The following PTPRD variants were observed in gnomAD, a reference collection of about 807,000 sequenced individuals.
PTPRD encodes the protein protein tyrosine phosphatase receptor type D, also known as receptor-type tyrosine-protein phosphatase delta.
Under a neutral mutation model 214.5 loss-of-function variants are expected in PTPRD, and 34 were observed. The ratio of observed to expected loss-of-function variants is 0.16; its 90% confidence interval spans 0.12 to 0.21. PTPRD has a LOEUF of 0.21. PTPRD is among the 10% of genes least tolerant of loss of function. PTPRD has a pLI of 1.00. For synonymous variants in PTPRD, 1,128 were observed against 845.7 expected (o/e 1.33, Z -5.79); for missense variants, 2,545 against 2,398.7 (o/e 1.06, Z -1.27).
At chr9:9,108,507 A>G (rs1366660642) in intron 10 of PTPRD, among the ~76,000 whole-genome samples, 1 of 151,766 alleles carries the variant, frequency 6.6e-6, no homozygotes, top group Non-Finnish European at 1.5e-5. Flanking sequence ...AGGTTGAGGG[A>G]CTCTCCAGGT....
intron 2 of PTPRD, among the ~76,000 whole-genome samples, chr9:10,585,977 T>C (rs752809135): frequency 3.2e-4 from 49 of 152,182 alleles, no homozygotes; most frequent in Middle Eastern, 6.8e-3. Flanking sequence ...AAATGAAAAG[T>C]AATACAGCGT....
At chr9:10,015,660 T>A (rs1417113639) in intron 4 of PTPRD, among the ~76,000 whole-genome samples, 4 of 152,082 alleles carry the variant, frequency 2.6e-5, no homozygotes, top group Non-Finnish European at 4.4e-5. Context: ...CAAAGCCAGG[T>A]AATTCTGATA....
chr9:10,466,623 C>CAAAAAAAAAAAA (rs66705572), intron 2 of PTPRD, among the ~76,000 whole-genome samples: 9 of 76,872 alleles, frequency 1.2e-4, no homozygotes, highest in Non-Finnish European at 1.8e-4. Flanking sequence ...AACTCCAACT[C>CAAAAAAAAAAAA]AAAAAAAAAA....
chr9:9,154,436 T>C (rs529549312), intron 10 of PTPRD, among the ~76,000 whole-genome samples: 2 of 152,190 alleles, frequency 1.3e-5, no homozygotes, highest in South Asian at 4.2e-4. Context: ...AGGGCTGTCT[T>C]CTCTCTGTGT....
At chr9:8,400,106 C>A (rs2092122053) in intron 36 of PTPRD, among the ~76,000 whole-genome samples, 1 of 152,128 alleles carries the variant, frequency 6.6e-6, no homozygotes, top group African/African-American at 2.4e-5. Context: ...TTCTAAAAAT[C>A]CATGTCAATA....
At chr9:8,345,042 T>C (rs1216663007) in intron 39 of PTPRD, among the ~76,000 whole-genome samples, 1 of 96,712 alleles carries the variant, frequency 1.0e-5, no homozygotes, top group Non-Finnish European at 2.8e-5. Flanking sequence ...TTAGAAACAT[T>C]TGAGATTTGG....
intron 38 of PTPRD, 149 bp from the exon 39 acceptor site, chr9:8,376,239 G>C (rs1411858278): frequency 1.1e-6 from 1 of 938,062 alleles, no homozygotes; most frequent in East Asian, 2.7e-5. Flanking sequence ...TTTGGAAATA[G>C]AAACCCCAAG....
At chr9:9,988,640 A>T (rs10759121) in intron 4 of PTPRD, among the ~76,000 whole-genome samples, 94,910 of 151,838 alleles carry the variant, frequency 0.63, 30,028 homozygotes, top group Middle Eastern at 0.76. Flanking sequence ...TAGCCCAAAT[A>T]ATGTCAGTTC....
At chr9:10,036,567 CA>C (rs2097185978) in intron 3 of PTPRD, among the ~76,000 whole-genome samples, 2 of 122,228 alleles carry the variant, frequency 1.6e-5, no homozygotes, top group South Asian at 2.7e-4. Context: ...AGCACAAATA[CA>C]TTTTTTTTTA....
intron 9 of PTPRD, among the ~76,000 whole-genome samples, chr9:9,351,159 T>TG (rs1296041104): frequency 2.0e-5 from 3 of 152,062 alleles, no homozygotes; most frequent in African/African-American, 7.2e-5. Flanking sequence ...TTAGAAGGGC[T>TG]GTTAACAAGA....
chr9:10,348,940 T>C (rs1373817072), intron 2 of PTPRD, among the ~76,000 whole-genome samples: 1 of 152,068 alleles, frequency 6.6e-6, no homozygotes, highest in African/African-American at 2.4e-5. Context: ...AGCTTATCTG[T>C]CAAAGTTCAC....
intron 22 of PTPRD, among the ~76,000 whole-genome samples, chr9:8,505,472 A>G (rs2097524281): frequency 6.6e-6 from 1 of 151,900 alleles, no homozygotes; most frequent in African/African-American, 2.4e-5. Flanking sequence ...AATACAAAAA[A>G]TTAGCCGGGT....
chr9:10,109,220 G>T (rs75516937), intron 3 of PTPRD, among the ~76,000 whole-genome samples: 1 of 152,152 alleles, frequency 6.6e-6, no homozygotes, highest in African/African-American at 2.4e-5. Flanking sequence ...TTGCTTCTGT[G>T]AAGTTTTGTT....
chr9:9,238,551 T>C (rs72696862), intron 9 of PTPRD, among the ~76,000 whole-genome samples: 1 of 152,036 alleles, frequency 6.6e-6, no homozygotes, highest in Admixed American at 6.6e-5. Flanking sequence ...AAAGGGATCT[T>C]AGAGTCAAAG....
At chr9:9,351,098 T>A (rs2050926546) in intron 9 of PTPRD, among the ~76,000 whole-genome samples, 1 of 152,028 alleles carries the variant, frequency 6.6e-6, no homozygotes, top group African/African-American at 2.4e-5. Context: ...GCTGGTGATT[T>A]CCAGGCATCC....
In PTPRD at chr9:9,791,444, G is replaced by A. The variant is rs145357989; in HGVS notation, c.-367-24593C>T. On this transcript the variant is annotated intron_variant, in intron 5 of 45. Transcript: ENST00000381196. ...TTAATTCTTTTCTAATGGCCTAGAT[G>A]GAATTAATTGGTTATTTCAATATCA... 5.3e-5 allele frequency among the ~76,000 whole-genome samples: 8 copies of A among 152,060 alleles called. No homozygotes were observed. The East Asian group carries it at 7.8e-4, about 15-fold the overall frequency.
intron 11 of PTPRD, among the ~76,000 whole-genome samples, chr9:8,862,882 A>T (rs1229977218): frequency 2.0e-5 from 3 of 151,722 alleles, no homozygotes; most frequent in African/African-American, 7.3e-5. Context: ...GATCACATGG[A>T]CACAGGAAGG....
chr9:10,133,692 T>C (rs566598527), intron 3 of PTPRD, among the ~76,000 whole-genome samples: 6 of 152,138 alleles, frequency 3.9e-5, no homozygotes, highest in Non-Finnish European at 8.8e-5. Context: ...TGTTCACCAA[T>C]AGATAGTAAC....
At chr9:9,457,966 T>C (rs2093246895) in intron 8 of PTPRD, among the ~76,000 whole-genome samples, 1 of 149,360 alleles carries the variant, frequency 6.7e-6, no homozygotes, top group African/African-American at 2.5e-5. Context: ...AATTTTGAAG[T>C]AGAAAAAGTA....
Sources: gnomAD v4.1 joint callset for allele counts (sites outside exome capture counted in the v4.1 genomes callset) on GRCh38, gnomAD v4.1.1 for gene constraint, MANE v1.5 for transcripts, NCBI Gene and HGNC (gene_info 2026-07-23, HGNC 2026-07-21) for gene names.